RNF14: variants seen among roughly 807,000 people sequenced by gnomAD.
RNF14 encodes the protein ring finger protein 14.
In RNF14, 26 loss-of-function variants were observed where a neutral mutation model predicts 52.6. That is an observed-to-expected ratio of 0.49 (90% CI 0.36 to 0.69). The LOEUF (loss-of-function observed/expected upper bound fraction) is 0.69, where lower values mean the gene tolerates loss of function less well. Ranked by LOEUF, RNF14 falls within the 30% of genes least tolerant of loss-of-function variation. RNF14 has a pLI of 0.00. For synonymous variants in RNF14, 194 were observed against 202.0 expected (o/e 0.96, Z 0.34); for missense variants, 404 against 560.4 (o/e 0.72, Z 2.82).
chr5:141,952,700 A>G, the RNF14 span: 1 of 152,254 alleles, frequency 6.6e-6, no homozygotes, highest in African/African-American at 2.4e-5. Flanking sequence ...AGACCTCCTC[A>G]GACCTCAGTT....
At chr5:141,971,378 A>C (rs1753729956) in intron 2 of RNF14, among the ~76,000 whole-genome samples, 1 of 151,910 alleles carries the variant, frequency 6.6e-6, no homozygotes, top group South Asian at 2.1e-4. Context: ...AGTAGCTGGG[A>C]CTACAGGCAC....
At chr5:141,949,562 A>G in the RNF14 span, 2 of 1,614,084 alleles carry the variant, frequency 1.2e-6, no homozygotes, top group South Asian at 1.1e-5. Flanking sequence ...CACTTGGGCC[A>G]TCTGTGTCTG....
chr5:141,984,357 C>G (rs530195194), intron 7 of RNF14, among the ~76,000 whole-genome samples: 1 of 152,144 alleles, frequency 6.6e-6, no homozygotes, highest in Non-Finnish European at 1.5e-5. Flanking sequence ...CTTGGCTTCC[C>G]AAAGTGCTGG....
chr5:141,957,545 G>T (rs750318918), upstream of RNF14: 17 of 1,614,078 alleles, frequency 1.1e-5, no homozygotes, highest in Admixed American at 6.7e-5. This position sits in a 1 kb window ranked among gnomAD's most constrained non-coding sequence, Gnocchi z 4.3. Context: ...ACCAGGCAGG[G>T]ATCCCACTGT....
upstream of RNF14, among the ~76,000 whole-genome samples, chr5:141,963,816 G>T (rs1279782233): frequency 1.3e-5 from 2 of 152,164 alleles, no homozygotes; most frequent in African/African-American, 4.8e-5. Flanking sequence ...CTTGCAGGAA[G>T]GAAAATGAGT....
chr5:141,965,063 T>C (rs1010243448), upstream of RNF14, among the ~76,000 whole-genome samples: 2 of 152,064 alleles, frequency 1.3e-5, no homozygotes, highest in African/African-American at 4.8e-5. Flanking sequence ...TGTACTGGGG[T>C]AGGGCTCATT....
chr5:141,984,742 A>G, intron 7 of RNF14, 61 bp from the exon 8 acceptor site: 1 of 1,533,610 alleles, frequency 6.5e-7, no homozygotes. Context: ...TCATTTTGGC[A>G]TGTGCTGTCT....
At chr5:141,955,423 G>C, upstream of RNF14, 1 of 1,614,024 alleles carries the variant, frequency 6.2e-7, no homozygotes, top group Non-Finnish European at 8.5e-7. This position sits in a 1 kb window ranked among gnomAD's most constrained non-coding sequence, Gnocchi z 5.5. Context: ...CTGCAGGCAG[G>C]GGTCCCAGCC....
In RNF14 at chr5:141,973,681, C is replaced by G; in HGVS notation, c.93C>G (p.Val31=). ...ATGAATTTAGAAAAGCAGAGTCTGTCCAAGGTGGAGAAACCAGGATCTATT... is the reference window on the plus strand; with the variant it reads ...ATGAATTTAGAAAAGCAGAGTCTGTGCAAGGTGGAGAAACCAGGATCTATT... ...DGDEFRKAES[V]QGGETRIYLD... is the part of the protein sequence containing the mutation. The change falls in exon 3 of 9, where the codon GTC becomes GTG. Residue 31 remains valine (V), a synonymous_variant. Coordinates refer to ENST00000394520, the MANE Select transcript of RNF14 (RefSeq NM_004290.5). The G allele has an allele frequency of 6.2e-7, 1 of 1,613,542 alleles. No individual in the cohort carries two copies.
At chr5:141,978,964 A>G (rs1442715029) in intron 5 of RNF14, 134 bp downstream of exon 5, 2 of 914,614 alleles carry the variant, frequency 2.2e-6, no homozygotes, top group African/African-American at 1.7e-5. Context: ...GTTTTGCTGT[A>G]TCCATTAAAA....
chr5:141,955,844 C>A (rs531630376), upstream of RNF14: 2 of 1,614,122 alleles, frequency 1.2e-6, no homozygotes, highest in South Asian at 2.2e-5. This position sits in a 1 kb window ranked among gnomAD's most constrained non-coding sequence, Gnocchi z 5.5. Context: ...AGCTCCCACT[C>A]ACTCCCAATG....
chr5:141,985,946 T>C (rs1755201004), intron 8 of RNF14, among the ~76,000 whole-genome samples: 1 of 152,224 alleles, frequency 6.6e-6, no homozygotes, highest in Non-Finnish European at 1.5e-5. Flanking sequence ...TTAGCTTGTT[T>C]CTCTTATTTG....
chr5:141,983,149 A>C (rs1347718495), intron 6 of RNF14, among the ~76,000 whole-genome samples: 1 of 152,130 alleles, frequency 6.6e-6, no homozygotes, highest in Non-Finnish European at 1.5e-5. Flanking sequence ...TGTTTTTAAT[A>C]ATTGAATATT....
rs1330993491 is a variant in RNF14 at position 141,973,677 on chromosome 5, C to G, written c.89C>G (p.Ser30Cys). The G allele has an allele frequency of 2.7e-5, 44 of 1,613,902 alleles. No individual in the cohort carries two copies. The highest frequency in any genetic ancestry group is 3.6e-5 in the Non-Finnish European group (43 of 1,179,864). ...GGAGATGAATTTAGAAAAGCAGAGT[C>G]TGTCCAAGGTGGAGAAACCAGGATC... Reference protein sequence around the residue: ...YDGDEFRKAESVQGGETRIYL... With the variant: ...YDGDEFRKAECVQGGETRIYL... The change falls in exon 3 of 9, where the codon TCT becomes TGT. Residue 30 changes from serine to cysteine, a missense_variant. Transcript: ENST00000394520.
At chr5:141,975,955 A>G (rs1754209572) in intron 4 of RNF14, among the ~76,000 whole-genome samples, 1 of 151,426 alleles carries the variant, frequency 6.6e-6, no homozygotes, top group African/African-American at 2.4e-5. Flanking sequence ...AAGACAAAAG[A>G]TGTCAGAGTT....
At chr5:141,951,498 GCCT>G in the RNF14 span, 1 of 1,613,834 alleles carries the variant, frequency 6.2e-7, no homozygotes, top group African/African-American at 1.3e-5. Flanking sequence ...CTTACCTGCT[GCCT>G]CCTGGCTTGG....
intron 7 of RNF14, 122 bp from the exon 8 acceptor site, chr5:141,984,681 T>C: frequency 1.2e-6 from 1 of 834,098 alleles, no homozygotes; most frequent in Non-Finnish European, 1.9e-6. Flanking sequence ...TACATTGATA[T>C]CTCAACCCTG....
At chr5:141,972,303 C>T (rs1054754648) in intron 2 of RNF14, among the ~76,000 whole-genome samples, 1 of 151,568 alleles carries the variant, frequency 6.6e-6, no homozygotes, top group Non-Finnish European at 1.5e-5. Context: ...TATCATGGCT[C>T]ACTGCAGCCT....
At chr5:141,956,086 A>G (rs753657388), upstream of RNF14, 5 of 1,614,202 alleles carry the variant, frequency 3.1e-6, no homozygotes, top group Non-Finnish European at 4.2e-6. Context: ...GATGGGCACC[A>G]GCAGGTGGCC....
Sources: gnomAD v4.1 joint callset for allele counts (sites outside exome capture counted in the v4.1 genomes callset) on GRCh38, gnomAD v4.1.1 for gene constraint, Gnocchi (gnomAD v3.1) non-coding constraint, MANE v1.5 for transcripts, NCBI Gene and HGNC (gene_info 2026-07-23, HGNC 2026-07-21) for gene names.